Variants in SCMH1 observed in about 807,000 individuals in gnomAD.
SCMH1 encodes Scm polycomb group protein homolog 1.
SCMH1 carries 37 observed loss-of-function variants against 70.8 expected under a neutral mutation model. That is an observed-to-expected ratio of 0.52 (90% CI 0.40 to 0.69). The LOEUF (loss-of-function observed/expected upper bound fraction) is 0.69, where lower values mean the gene tolerates loss of function less well. Among genes scored for constraint, SCMH1 ranks in the 30% least tolerant of loss-of-function variants. The pLI, the probability that SCMH1 is intolerant of heterozygous loss-of-function variation, is 0.00. For missense variants in SCMH1, 607 were observed against 827.3 expected, an observed-to-expected ratio of 0.73 and a Z score of 3.27; for synonymous variants, 292 against 307.4, an observed-to-expected ratio of 0.95 and a Z score of 0.52.
intron 4 of SCMH1, chr1:41,159,930 AACCC>A: frequency 1.2e-6 from 1 of 800,884 alleles, no homozygotes; most frequent in Non-Finnish European, 1.7e-6. Context: ...TCTTCTTTAC[AACCC>A]TGTGAAGTAG....
At chr1:41,209,775 A>C (rs558312746) in intron 1 of SCMH1, among the ~76,000 whole-genome samples, 1 of 152,262 alleles carries the variant, frequency 6.6e-6, no homozygotes, top group African/African-American at 2.4e-5. Flanking sequence ...GAATGGGCCA[A>C]CACTGGAAGC....
At chr1:41,196,526 C>G (rs1653058569) in intron 1 of SCMH1, among the ~76,000 whole-genome samples, 1 of 152,016 alleles carries the variant, frequency 6.6e-6, no homozygotes, top group African/African-American at 2.4e-5. Flanking sequence ...TACCTTATAC[C>G]ATATACAAAA....
At position 41,113,295 on chromosome 1, in the gene SCMH1, G is replaced by C. The variant is rs1669680843; in HGVS notation, c.733C>G (p.Pro245Ala). The change falls in exon 8 of 15, where the codon CCT (proline) becomes GCT (alanine). Residue 245 changes from proline to alanine, a missense_variant. Pro to Ala is a conservative substitution (Grantham distance 27, BLOSUM62 -1). Coordinates refer to ENST00000337495, the Ensembl canonical transcript of SCMH1. This position sits in a 1 kb window ranked among gnomAD's most constrained non-coding sequence, Gnocchi z 4.3. ...GATGGGCCTTTACCTTTGGTGCCAG[G>C]AGGCTGCAGGTTGTCTCCAGTCAAG... 6.2e-7 allele frequency: 1 copy of C among 1,613,452 alleles called. No individual in the cohort carries two copies. The highest frequency in any genetic ancestry group is 1.3e-5 in the African/African-American group (1 of 74,810).
At chr1:41,183,608 G>A (rs1158414004) in intron 2 of SCMH1, among the ~76,000 whole-genome samples, 1 of 151,824 alleles carries the variant, frequency 6.6e-6, no homozygotes, top group African/African-American at 2.4e-5. Context: ...ATAATCTTAA[G>A]CCAATCAGTA....
exon 2 of SCMH1, chr1:41,186,214 C>G: frequency 1.3e-6 from 1 of 788,364 alleles, no homozygotes; most frequent in South Asian, 1.5e-5. Flanking sequence ...GCTCTGACTT[C>G]TGACAAGTCA....
At chr1:41,071,914 T>C (rs577917525) in intron 9 of SCMH1, among the ~76,000 whole-genome samples, 73 of 152,328 alleles carry the variant, frequency 4.8e-4, no homozygotes, top group Admixed American at 4.7e-3. Flanking sequence ...TCCTCCTACC[T>C]TGGCCTCCCA....
At chr1:41,191,025 T>C (rs1334123404) in intron 1 of SCMH1, among the ~76,000 whole-genome samples, 1 of 152,170 alleles carries the variant, frequency 6.6e-6, no homozygotes, top group East Asian at 1.9e-4. Flanking sequence ...CTGGTGTGCA[T>C]CAATGCGCCT....
At chr1:41,045,885 A>G (rs904869269) in intron 12 of SCMH1, 1 of 152,694 alleles carries the variant, frequency 6.5e-6, no homozygotes. Flanking sequence ...TAACTAAGAA[A>G]GTTATTTTCC....
chr1:41,170,799 C>T (rs902853497), intron 2 of SCMH1, among the ~76,000 whole-genome samples: 15 of 152,134 alleles, frequency 9.9e-5, no homozygotes, highest in African/African-American at 3.4e-4. Flanking sequence ...CCTCACTACC[C>T]CATACTATCT....
chr1:41,206,956 G>A (rs1655695878), intron 1 of SCMH1, among the ~76,000 whole-genome samples: 1 of 152,152 alleles, frequency 6.6e-6, no homozygotes, highest in South Asian at 2.1e-4. Flanking sequence ...CATAAGTGAA[G>A]GAGAAATAAA....
In SCMH1 at chr1:41,154,124, T is replaced by C. The variant is rs527659300; in HGVS notation, c.107-2440A>G. On this transcript the variant is annotated intron_variant, in intron 4 of 14. Coordinates refer to ENST00000337495, the Ensembl canonical transcript of SCMH1. ...AGGGCTGGATTTGACCTCCCAATAG[T>C]AGTTTGCCAGACCTCTGGTATAAAT... is the stretch of plus-strand genomic sequence containing the variant. 1.0e-3 allele frequency among the ~76,000 whole-genome samples: 158 copies of C among 152,276 alleles called. 1 individual carries two copies. The highest frequency in any genetic ancestry group is 3.7e-3 in the African/African-American group (154 of 41,552).
intron 2 of SCMH1, among the ~76,000 whole-genome samples, chr1:41,164,833 A>G (rs1471222384): frequency 6.6e-6 from 1 of 152,150 alleles, no homozygotes; most frequent in East Asian, 1.9e-4. Flanking sequence ...GAATGATCAC[A>G]CCAGAGTATA....
At position 41,113,327 on chromosome 1, in the gene SCMH1, C is replaced by T; in HGVS notation, c.701G>A (p.Trp234Ter). 1 of 1,613,874 alleles carries T rather than the reference C, an allele frequency of 6.2e-7. No homozygotes were observed. Among genetic ancestry groups the T allele is most frequent in the South Asian group, 1.1e-5 (1 of 91,046 alleles). Residue 234 changes from tryptophan to a stop codon, truncating the protein, a stop_gained, in exon 8 of 15, where the codon TGG (tryptophan) becomes TAG (stop). Transcript: ENST00000337495. LOFTEE classifies it high-confidence loss of function. This position sits in a 1 kb window ranked among gnomAD's most constrained non-coding sequence, Gnocchi z 4.3. Reference sequence around the variant, plus strand: ...CAGGTTGTCTCCAGTCAAGGAACACCAGCCCACAGGGAAGATGTCTCGGGA... The same window carrying T: ...CAGGTTGTCTCCAGTCAAGGAACACTAGCCCACAGGGAAGATGTCTCGGGA...
chr1:41,103,759 AAG>A (rs1219345981), intron 8 of SCMH1, among the ~76,000 whole-genome samples: 3 of 152,144 alleles, frequency 2.0e-5, no homozygotes, highest in African/African-American at 7.2e-5. Flanking sequence ...TTGTGAGGGC[AAG>A]AGAGAGAGCG....
intron 4 of SCMH1, among the ~76,000 whole-genome samples, chr1:41,152,294 G>C: frequency 6.6e-6 from 1 of 152,186 alleles, no homozygotes; most frequent in East Asian, 1.9e-4. Flanking sequence ...TTGCTCTGGG[G>C]TGCAAAGTGA....
At chr1:41,118,051 T>C (rs1452986409) in intron 6 of SCMH1, among the ~76,000 whole-genome samples, 1 of 152,138 alleles carries the variant, frequency 6.6e-6, no homozygotes, top group Non-Finnish European at 1.5e-5. Context: ...CCACCAACCC[T>C]GTGGGGCTGG....
intron 2 of SCMH1, among the ~76,000 whole-genome samples, chr1:41,185,713 G>C (rs1252909933): frequency 1.3e-5 from 2 of 149,082 alleles, no homozygotes; most frequent in East Asian, 4.0e-4. Flanking sequence ...TCGGCTTACA[G>C]CAACCTCCGC....
chr1:41,135,717 C>A lies in SCMH1; in HGVS notation c.412+7161G>T, dbSNP rs992215207. 2.0e-5 allele frequency among the ~76,000 whole-genome samples: 3 copies of A among 152,154 alleles called. 1 individual carries two copies. The highest frequency in any genetic ancestry group is 7.2e-5 in the African/African-American group (3 of 41,434). On this transcript the variant is annotated intron_variant, in intron 6 of 14. Coordinates refer to ENST00000337495, the Ensembl canonical transcript of SCMH1. ...AAATTCAATTCCTTAGTCACAGTAG[C>A]CAGTTCAAGTGCTTACTCACTTGCT... is the stretch of plus-strand genomic sequence containing the variant.
chr1:41,112,207 C>T (rs1669415144), intron 8 of SCMH1, among the ~76,000 whole-genome samples: 1 of 152,160 alleles, frequency 6.6e-6, no homozygotes, highest in Non-Finnish European at 1.5e-5. Flanking sequence ...ATGAGCACAG[C>T]AATGTTGTTC....
Sources: gnomAD v4.1 joint callset for allele counts (sites outside exome capture counted in the v4.1 genomes callset) on GRCh38, gnomAD v4.1.1 for gene constraint, Gnocchi (gnomAD v3.1) non-coding constraint, MANE v1.5 for transcripts, NCBI Gene and HGNC (gene_info 2026-07-23, HGNC 2026-07-21) for gene names.